Variants in WBP1L observed in about 807,000 individuals in gnomAD.
WBP1L encodes WW domain binding protein 1 like.
WBP1L carries 17 observed loss-of-function variants against 33.7 expected under a neutral mutation model. The ratio of observed to expected loss-of-function variants is 0.50; its 90% CI spans 0.34 to 0.76. WBP1L has a LOEUF of 0.76. WBP1L is among the 30% of genes least tolerant of loss of function. WBP1L has a pLI of 0.01. For missense variants in WBP1L, 389 were observed against 469.4 expected (o/e 0.83, Z 1.58); for synonymous variants, 173 against 190.8 (o/e 0.91, Z 0.77).
At chr10:102,792,744 G>A (rs1376255441) in intron 1 of WBP1L, among the ~76,000 whole-genome samples, 1 of 151,942 alleles carries the variant, frequency 6.6e-6, no homozygotes, top group Non-Finnish European at 1.5e-5. Context: ...ACAGGCATGT[G>A]CCACCACACC....
chr10:102,744,526 T>C, intron 1 of WBP1L: 2 of 962,162 alleles, frequency 2.1e-6, no homozygotes, highest in Non-Finnish European at 2.5e-6. Flanking sequence ...GTACACAGGC[T>C]ATTGAGTTGG....
chr10:102,773,263 G>A (rs1417206585), intron 1 of WBP1L, among the ~76,000 whole-genome samples: 1 of 152,056 alleles, frequency 6.6e-6, no homozygotes, highest in Non-Finnish European at 1.5e-5. Context: ...CTTAGTGAAC[G>A]TTAGTGAGGG....
chr10:102,806,948 G>A (rs1247031988), intron 2 of WBP1L, among the ~76,000 whole-genome samples: 1 of 151,980 alleles, frequency 6.6e-6, no homozygotes, highest in Non-Finnish European at 1.5e-5. Context: ...AAAACATCAA[G>A]GATTTATTCA....
At chr10:102,744,479 A>G in intron 1 of WBP1L, 1 of 985,292 alleles carries the variant, frequency 1.0e-6, no homozygotes, top group Non-Finnish European at 1.2e-6. Context: ...CAGGTGTCCC[A>G]GGCAGTAATG....
intron 1 of WBP1L, among the ~76,000 whole-genome samples, chr10:102,787,528 C>T (rs1843432510): frequency 6.6e-6 from 1 of 151,704 alleles, no homozygotes; most frequent in Non-Finnish European, 1.5e-5. Flanking sequence ...GTTGAGGCTG[C>T]AGTGAGCTAT....
intron 2 of WBP1L, among the ~76,000 whole-genome samples, chr10:102,800,155 T>G (rs1249670197): frequency 8.5e-5 from 13 of 152,196 alleles, no homozygotes; most frequent in Non-Finnish European, 1.9e-4. Flanking sequence ...TGTTTAAATG[T>G]TTTAAAATGC....
At position 102,814,728 on chromosome 10, in the gene WBP1L, T is replaced by C. The variant is rs1843905236; in HGVS notation, c.*1397T>C. The C allele has an allele frequency of 6.6e-6, 1 of 152,448 alleles. No homozygotes were observed. The highest frequency in any genetic ancestry group is 2.4e-5 in the African/African-American group (1 of 41,458). The allele number at this position is 152,448 out of a possible 1,614,324, so 9.4% of individuals were successfully genotyped here. ...CTCGCCTTCAGGTCACCAGCTGAGC[T>C]GCGATAGGAAAATCTGAATGGAGGC... On this transcript the variant is annotated 3_prime_UTR_variant, in exon 4 of 4. Coordinates refer to ENST00000448841, the MANE Select transcript of WBP1L (RefSeq NM_001083913.2).
chr10:102,808,279 A>G (rs757800470), intron 2 of WBP1L, among the ~76,000 whole-genome samples: 1 of 152,198 alleles, frequency 6.6e-6, no homozygotes, highest in Non-Finnish European at 1.5e-5. Flanking sequence ...TAAAGATGTC[A>G]TTATTTTTGT....
intron 1 of WBP1L, among the ~76,000 whole-genome samples, chr10:102,765,241 G>T (rs1843092659): frequency 6.6e-6 from 1 of 152,050 alleles, no homozygotes; most frequent in Non-Finnish European, 1.5e-5. Context: ...TCATTTTTAT[G>T]ATCCTTTTTT....
intron 1 of WBP1L, among the ~76,000 whole-genome samples, chr10:102,770,290 G>A (rs368899603): frequency 1.8e-4 from 27 of 151,540 alleles, no homozygotes; most frequent in African/African-American, 6.4e-4. Flanking sequence ...AAATGGGTGC[G>A]TGCCCAAACC....
At chr10:102,791,434 G>T (rs1235591957) in intron 1 of WBP1L, among the ~76,000 whole-genome samples, 4 of 152,062 alleles carry the variant, frequency 2.6e-5, no homozygotes. Flanking sequence ...CATAGTGCCT[G>T]GCACATGGTT....
At chr10:102,752,499 A>G (rs1195184750) in intron 1 of WBP1L, among the ~76,000 whole-genome samples, 1 of 151,884 alleles carries the variant, frequency 6.6e-6, no homozygotes. Context: ...CGTTTTTTTG[A>G]TTTGTGATTC....
At chr10:102,777,041 T>C (rs566335903) in intron 1 of WBP1L, among the ~76,000 whole-genome samples, 40 of 152,236 alleles carry the variant, frequency 2.6e-4, no homozygotes, top group African/African-American at 9.4e-4. Flanking sequence ...TGAGCCGCCC[T>C]TTGAAGTGGG....
chr10:102,757,569 CTTTTTTTTTTT>C (rs60213859), intron 1 of WBP1L, among the ~76,000 whole-genome samples: 182 of 88,820 alleles, frequency 2.0e-3, no homozygotes, highest in African/African-American at 7.9e-3. Flanking sequence ...GTTTCTGAGC[CTTTTTTTTTTT>C]TTTTTTTTTT....
chr10:102,786,916 G>C (rs975901013), intron 1 of WBP1L, among the ~76,000 whole-genome samples: 12 of 152,188 alleles, frequency 7.9e-5, no homozygotes, highest in Non-Finnish European at 1.8e-4. Flanking sequence ...GCTAAAGCAT[G>C]GGGGACTGGG....
At position 102,812,929 on chromosome 10, in the gene WBP1L, G is replaced by C; in HGVS notation, c.690G>C (p.Gly230=). Residue 230 remains glycine, a synonymous_variant, in exon 4 of 4, where the codon GGG becomes GGC. Transcript: ENST00000448841. ...SVAGLGELDP[G]AFLDKDAECR... The stretch of plus-strand genomic sequence containing the variant: ...CTGGCCTGGGGGAGCTGGACCCGGG[G>C]GCCTTCCTGGACAAAGATGCAGAAT... The C allele has an allele frequency of 6.3e-7, 1 of 1,593,474 alleles. No individual in the cohort carries two copies. The highest frequency in any genetic ancestry group is 1.3e-5 in the African/African-American group (1 of 74,626).
chr10:102,749,239 T>C (rs1312635236), intron 1 of WBP1L, among the ~76,000 whole-genome samples: 1 of 152,202 alleles, frequency 6.6e-6, no homozygotes, highest in African/African-American at 2.4e-5. Flanking sequence ...TATTTAATTT[T>C]GAAACATATT....
chr10:102,796,405 C>T (rs377082548), intron 1 of WBP1L, among the ~76,000 whole-genome samples: 2 of 152,310 alleles, frequency 1.3e-5, no homozygotes, highest in African/African-American at 2.4e-5. Context: ...TTCTCTTGTC[C>T]TCTCCGTGTG....
At chr10:102,776,363 A>C in intron 1 of WBP1L, 2 of 1,614,084 alleles carry the variant, frequency 1.2e-6, no homozygotes, top group South Asian at 2.2e-5. Flanking sequence ...CTTTGTTCCA[A>C]CGTTAGTGTG....
Sources: allele counts gnomAD v4.1 joint callset (sites outside exome capture counted in the v4.1 genomes callset), GRCh38; gene constraint gnomAD v4.1.1; transcripts MANE v1.5; gene names NCBI Gene and HGNC (gene_info 2026-07-23, HGNC 2026-07-21).